The following SENP7 variants were observed in gnomAD, a reference collection of about 807,000 sequenced individuals.
SENP7 encodes sentrin-specific protease 7.
In SENP7, 64 loss-of-function variants were observed where a neutral mutation model predicts 141.2. The ratio of observed to expected loss-of-function variants is 0.45; its 90% CI spans 0.37 to 0.56. The LOEUF is 0.56. SENP7 is among the 20% of genes least tolerant of loss of function. The probability of loss-of-function intolerance (pLI) is 0.00; values close to 1 mark genes in which losing one functional copy is unlikely to be tolerated. For synonymous variants in SENP7, 382 were observed against 426.4 expected, an observed-to-expected ratio of 0.90 and a Z score of 1.28; for missense variants, 1,025 against 1,212.2, an observed-to-expected ratio of 0.85 and a Z score of 2.29.
Position 101,348,039 on chromosome 3 carries a change from T to C in SENP7, c.1670A>G (p.Glu557Gly), listed in dbSNP as rs780999129. ...IKIPFQVSLN[E>G]ISLLVDTTHL... The stretch of plus-strand genomic sequence containing the variant: ...TGTGGTATCCACTAGCAATGAAATC[T>C]CATTCAGGGACACTGAAACAAATAA... Residue 557 changes from glutamate to glycine, a missense_variant, in exon 13 of 24, where the codon GAG becomes GGG. This residue lies in a region of SENP7 where 228 missense variants were observed against 228.5 expected (regional missense o/e 1.00). Transcript: ENST00000394095. 11 of 1,583,736 alleles carry C rather than the reference T, an allele frequency of 6.9e-6. No individual in the cohort carries two copies. The South Asian group carries it at 9.5e-5, about 14-fold the overall frequency.
chr3:101,511,981 G>A (rs2065879848), intron 1 of SENP7, among the ~76,000 whole-genome samples: 1 of 152,042 alleles, frequency 6.6e-6, no homozygotes, highest in Non-Finnish European at 1.5e-5. Context: ...CACCACGCCC[G>A]GCTAATTTTT....
intron 6 of SENP7, among the ~76,000 whole-genome samples, chr3:101,380,445 C>CCCCAA (rs58844573): frequency 7.8e-6 from 1 of 128,876 alleles, no homozygotes; most frequent in South Asian, 2.7e-4. Context: ...GCCCCCCCCC[C>CCCCAA]CACACACACA....
In SENP7 at chr3:101,327,824, AATC is replaced by A; in HGVS notation, c.2865-11_2865-9del. On this transcript the variant is annotated splice_polypyrimidine_tract_variant and intron_variant, in intron 22 of 23. Coordinates refer to ENST00000394095, the MANE Select transcript of SENP7 (RefSeq NM_020654.5). ...CACTCTACCTCTAAATACCTGAAATAATCAACAAATAAGAGTGACTAAAGTAGA... is the reference window on the plus strand; with the variant it reads ...CACTCTACCTCTAAATACCTGAAATAAACAAATAAGAGTGACTAAAGTAGA... 6.3e-7 allele frequency: 1 copy of A among 1,585,250 alleles called. No individual in the cohort carries two copies. The highest frequency in any genetic ancestry group is 8.6e-7 in the Non-Finnish European group (1 of 1,157,962).
chr3:101,345,919 G>T (rs2059442776), intron 13 of SENP7, among the ~76,000 whole-genome samples: 2 of 152,086 alleles, frequency 1.3e-5, no homozygotes, highest in Admixed American at 1.3e-4. Context: ...TAAATAGGTG[G>T]GACTTAATTA....
At chr3:101,427,853 C>G (rs754445255) in intron 4 of SENP7, among the ~76,000 whole-genome samples, 2 of 152,108 alleles carry the variant, frequency 1.3e-5, no homozygotes, top group Non-Finnish European at 1.5e-5. Flanking sequence ...CCCAGCCCCC[C>G]ACTCCCCAAC....
chr3:101,368,795 A>T (rs1186217752), intron 7 of SENP7, among the ~76,000 whole-genome samples: 1 of 152,210 alleles, frequency 6.6e-6, no homozygotes, highest in East Asian at 1.9e-4. Flanking sequence ...AAGTTTGATA[A>T]TTCAATGTGA....
intron 3 of SENP7, among the ~76,000 whole-genome samples, chr3:101,486,672 C>T (rs1427231524): frequency 1.3e-5 from 2 of 152,106 alleles, no homozygotes; most frequent in Non-Finnish European, 2.9e-5. Flanking sequence ...ATAAATTACA[C>T]AGAACCTATA....
intron 4 of SENP7, among the ~76,000 whole-genome samples, chr3:101,438,563 T>A (rs1366680113): frequency 1.3e-5 from 2 of 152,188 alleles, no homozygotes; most frequent in Non-Finnish European, 2.9e-5. Context: ...ATTAAGATGA[T>A]AAAATTTATG....
intron 16 of SENP7, among the ~76,000 whole-genome samples, chr3:101,339,236 A>G (rs534331887): frequency 6.6e-6 from 1 of 152,320 alleles, no homozygotes; most frequent in South Asian, 2.1e-4. Context: ...TAGTAAAACA[A>G]TAGAGCTTAG....
intron 6 of SENP7, among the ~76,000 whole-genome samples, chr3:101,396,205 G>A (rs1419610941): frequency 6.6e-6 from 1 of 152,158 alleles, no homozygotes; most frequent in Non-Finnish European, 1.5e-5. Context: ...TATTTAGAAA[G>A]GATTTAAAGG....
At chr3:101,342,991 G>A (rs918830140) in intron 14 of SENP7, among the ~76,000 whole-genome samples, 2 of 152,024 alleles carry the variant, frequency 1.3e-5, no homozygotes, top group East Asian at 3.9e-4. Context: ...AAAGAGTACT[G>A]GTCAATTATT....
chr3:101,368,042 C>G, intron 7 of SENP7, 31 bp from the exon 8 acceptor site: 1 of 1,529,562 alleles, frequency 6.5e-7, no homozygotes, highest in Non-Finnish European at 8.9e-7. Flanking sequence ...TAAATATGGA[C>G]AAAAAAGTAT....
intron 4 of SENP7, among the ~76,000 whole-genome samples, chr3:101,435,900 C>A (rs532552952): frequency 1.1e-4 from 16 of 152,238 alleles, no homozygotes; most frequent in African/African-American, 3.8e-4. Flanking sequence ...CAGTGACATT[C>A]TTCACAGAAA....
rs368951226 is a variant in SENP7, at chr3:101,347,907, T to G, written c.1802A>C (p.Gln601Pro). 5.0e-6 allele frequency: 8 copies of G among 1,600,940 alleles called. No homozygotes were observed. The highest frequency in any genetic ancestry group is 2.2e-5 in the South Asian group (2 of 88,998). ...WVSSDYLQEI[Q>P]TQLEHSVLSQ... ...TAATACAGAGTGTTCTAATTGGGTC[T>G]GAATCTCTTGAAGATAATCTGAAGA... The change falls in exon 13 of 24, where the codon CAG (glutamine) becomes CCG (proline). Residue 601 changes from glutamine (Q) to proline (P), a missense_variant. Physicochemically the swap from Gln to Pro is moderately conservative, Grantham distance 76 (BLOSUM62 -1). Transcript: ENST00000394095.
intron 11 of SENP7, among the ~76,000 whole-genome samples, chr3:101,360,870 A>G (rs1375873787): frequency 2.0e-5 from 3 of 152,168 alleles, no homozygotes; most frequent in Admixed American, 6.5e-5. Flanking sequence ...AGAAGCTTTA[A>G]AAGATGATTA....
intron 1 of SENP7, among the ~76,000 whole-genome samples, chr3:101,504,719 CT>C (rs2065525555): frequency 6.6e-6 from 1 of 152,176 alleles, no homozygotes; most frequent in Non-Finnish European, 1.5e-5. Context: ...AACTGGAGAC[CT>C]TCATCTTCAG....
At chr3:101,360,653 T>A (rs770375278) in intron 11 of SENP7, among the ~76,000 whole-genome samples, 1 of 152,162 alleles carries the variant, frequency 6.6e-6, no homozygotes, top group Non-Finnish European at 1.5e-5. Context: ...ATGGAAGCTA[T>A]AAAAGGAACT....
intron 4 of SENP7, chr3:101,457,621 C>T (rs2063398103): frequency 1.4e-5 from 22 of 1,564,322 alleles, no homozygotes; most frequent in South Asian, 2.2e-5. Flanking sequence ...TCTGCTGTGG[C>T]TGTTCTATGA....
intron 17 of SENP7, among the ~76,000 whole-genome samples, chr3:101,336,654 T>C (rs2059192789): frequency 6.6e-6 from 1 of 152,204 alleles, no homozygotes; most frequent in Admixed American, 6.5e-5. Flanking sequence ...ACACTAACTT[T>C]TAAAATAACA....
Sources: allele counts gnomAD v4.1 joint callset (sites outside exome capture counted in the v4.1 genomes callset), GRCh38; gene constraint gnomAD v4.1.1; regional missense constraint gnomAD v4.1.1; transcripts MANE v1.5; gene names NCBI Gene and HGNC (gene_info 2026-07-23, HGNC 2026-07-21).